The following NDST4 variants were observed in gnomAD, a reference collection of about 807,000 sequenced individuals.
The protein encoded by NDST4 is N-heparan sulfate sulfotransferase 4.
In NDST4, 63 loss-of-function variants were observed where a neutral mutation model predicts 100.8. The observed-to-expected ratio is 0.62, with a 90% CI of 0.51 to 0.77. The LOEUF is 0.77. NDST4 is among the 30% of genes least tolerant of loss of function. NDST4 has a pLI of 0.00. For synonymous variants in NDST4, 377 were observed against 361.8 expected, an observed-to-expected ratio of 1.04 and a Z score of -0.48; for missense variants, 943 against 1,018.4, an observed-to-expected ratio of 0.93 and a Z score of 1.01.
At chr4:115,084,766 G>C (rs1729374369) in intron 1 of NDST4, among the ~76,000 whole-genome samples, 1 of 152,196 alleles carries the variant, frequency 6.6e-6, no homozygotes, top group African/African-American at 2.4e-5. Context: ...CTATAATTCA[G>C]AGGATGTATG....
At chr4:115,055,956 T>G (rs1196996087) in intron 2 of NDST4, among the ~76,000 whole-genome samples, 5 of 152,116 alleles carry the variant, frequency 3.3e-5, no homozygotes, top group Non-Finnish European at 7.4e-5. Flanking sequence ...TATCACTGTG[T>G]GTCATATTTT....
At chr4:114,886,979 A>C (rs906761160) in intron 6 of NDST4, among the ~76,000 whole-genome samples, 2 of 152,172 alleles carry the variant, frequency 1.3e-5, no homozygotes, top group Non-Finnish European at 2.9e-5. Flanking sequence ...GAATATGTGG[A>C]ATTATCTAGC....
chr4:115,010,371 T>C (rs1727515164), intron 2 of NDST4, among the ~76,000 whole-genome samples: 1 of 128,394 alleles, frequency 7.8e-6, no homozygotes. Flanking sequence ...AAAGGATGAG[T>C]TCATGTCCTC....
chr4:115,097,965 T>C (rs1560599540), intron 1 of NDST4, among the ~76,000 whole-genome samples: 1 of 152,208 alleles, frequency 6.6e-6, no homozygotes, highest in Admixed American at 6.5e-5. Context: ...CTTTTAATCT[T>C]TTATTCAAAT....
intron 6 of NDST4, among the ~76,000 whole-genome samples, chr4:114,928,212 A>G (rs1221211648): frequency 2.0e-5 from 3 of 152,234 alleles, no homozygotes; most frequent in African/African-American, 7.2e-5. Flanking sequence ...ATTGAAAGAA[A>G]AGAATGGAAC....
intron 2 of NDST4, among the ~76,000 whole-genome samples, chr4:115,011,023 TTTAA>T (rs1468815532): frequency 6.6e-6 from 1 of 152,172 alleles, no homozygotes; most frequent in East Asian, 1.9e-4. Context: ...TTGATAATAA[TTTAA>T]TTTTCATATG....
chr4:114,861,559 T>C (rs187136914), intron 7 of NDST4, among the ~76,000 whole-genome samples: 2 of 152,258 alleles, frequency 1.3e-5, no homozygotes, highest in East Asian at 1.9e-4. Flanking sequence ...GGTCCATCAT[T>C]AGAATGTACC....
At chr4:115,022,466 T>TATATATGTGTTCC (rs1727875678) in intron 2 of NDST4, among the ~76,000 whole-genome samples, 1 of 131,678 alleles carries the variant, frequency 7.6e-6, no homozygotes, top group African/African-American at 3.0e-5. Context: ...ATGTGTTCCA[T>TATATATGTGTTCC]ATATATGTGT....
At chr4:114,997,856 AT>A (rs1727199440) in intron 2 of NDST4, among the ~76,000 whole-genome samples, 1 of 152,094 alleles carries the variant, frequency 6.6e-6, no homozygotes, top group Admixed American at 6.6e-5. Flanking sequence ...CAAAATCCTG[AT>A]TATAATAGAC....
At chr4:114,935,710 C>T (rs1157486518) in intron 5 of NDST4, among the ~76,000 whole-genome samples, 2 of 152,102 alleles carry the variant, frequency 1.3e-5, no homozygotes, top group South Asian at 2.1e-4. Flanking sequence ...CTTCTGAAAT[C>T]GAGTCCTGCA....
intron 3 of NDST4, among the ~76,000 whole-genome samples, chr4:114,974,321 C>T (rs910009404): frequency 2.6e-5 from 4 of 151,878 alleles, no homozygotes; most frequent in African/African-American, 9.7e-5. Context: ...GAATGTAACA[C>T]TCTACTTACT....
intron 2 of NDST4, among the ~76,000 whole-genome samples, chr4:115,062,977 T>G (rs489558): frequency 0.25 from 37,925 of 151,704 alleles, 6,531 homozygotes; most frequent in African/African-American, 0.46. Flanking sequence ...TTGTTTAGGG[T>G]TGCTTTCTTA....
intron 7 of NDST4, among the ~76,000 whole-genome samples, chr4:114,859,561 C>T (rs1436493484): frequency 3.9e-5 from 6 of 152,162 alleles, no homozygotes. Context: ...AGCAAACCCT[C>T]CACTCCTCTG....
chr4:114,945,916 G>A (rs1467838043), intron 4 of NDST4, among the ~76,000 whole-genome samples: 1 of 151,016 alleles, frequency 6.6e-6, no homozygotes, highest in East Asian at 1.9e-4. Flanking sequence ...CTGAAGCCTA[G>A]CAAATGGTGA....
intron 2 of NDST4, among the ~76,000 whole-genome samples, chr4:115,022,704 C>T (rs1727884817): frequency 1.3e-5 from 2 of 152,078 alleles, no homozygotes; most frequent in Admixed American, 6.6e-5. Flanking sequence ...TCCCACATAT[C>T]ATGGGAGGAA....
intron 4 of NDST4, among the ~76,000 whole-genome samples, chr4:114,958,308 C>T (rs1726184202): frequency 6.6e-6 from 1 of 152,186 alleles, no homozygotes; most frequent in South Asian, 2.1e-4. Flanking sequence ...ATCTCTAGGG[C>T]AGGGGCAAAA....
chr4:114,914,281 C>T (rs1725123112), intron 6 of NDST4, among the ~76,000 whole-genome samples: 1 of 151,834 alleles, frequency 6.6e-6, no homozygotes, highest in South Asian at 2.1e-4. Context: ...ACAACAGGGT[C>T]AATAATAATT....
rs781646266 is a variant in NDST4, at chr4:114,845,826, G to GT, written c.2111dup (p.Tyr704Ter). ...CCGATTTTTTTACTGACCATACCTG[G>GT]TACCAAGAGTATGCCCTGTCTGAGG... ...IDPSDRAYSW[Y>*]QHQRSHEDPA... The change falls in exon 10 of 14, where the codon TAC becomes TAAC. Residue 704 changes from tyrosine to a stop codon, truncating the protein, a stop_gained and frameshift_variant. Transcript: ENST00000264363. LOFTEE classifies it high-confidence loss of function. The GT allele has an allele frequency of 6.2e-7, 1 of 1,610,670 alleles. No individual in the cohort carries two copies. Among genetic ancestry groups the GT allele is most frequent in the Non-Finnish European group, 8.5e-7 (1 of 1,177,746 alleles).
intron 6 of NDST4, among the ~76,000 whole-genome samples, chr4:114,919,248 G>A (rs534715813): frequency 5.3e-5 from 8 of 152,266 alleles, no homozygotes; most frequent in Admixed American, 3.3e-4. Context: ...AGCTAATGTG[G>A]AGTTGATTGT....
Sources: allele counts gnomAD v4.1 joint callset (sites outside exome capture counted in the v4.1 genomes callset), GRCh38; gene constraint gnomAD v4.1.1; transcripts MANE v1.5; gene names NCBI Gene and HGNC (gene_info 2026-07-23, HGNC 2026-07-21).